CYP4F2: variants seen among roughly 807,000 people sequenced by gnomAD.
CYP4F2 encodes cytochrome P450 4F2.
CYP4F2 carries 58 observed loss-of-function variants against 58.9 expected under a neutral mutation model. The ratio of observed to expected loss-of-function variants is 0.98; its 90% confidence interval spans 0.80 to 1.23. The LOEUF is 1.23. Among genes scored for constraint, CYP4F2 ranks in the 50% most tolerant of loss-of-function variants. The pLI is 0.00. For synonymous variants in CYP4F2, 287 were observed against 261.1 expected, an observed-to-expected ratio of 1.10 and a Z score of -0.95; for missense variants, 616 against 685.6, an observed-to-expected ratio of 0.90 and a Z score of 1.13.
intron 5 of CYP4F2, among the ~76,000 whole-genome samples, chr19:15,891,719 TG>T (rs1461694300): frequency 6.6e-6 from 1 of 152,126 alleles, no homozygotes; most frequent in Non-Finnish European, 1.5e-5. Context: ...TTGTGAACCA[TG>T]GCGCGCCTTC....
intron 3 of CYP4F2, among the ~76,000 whole-genome samples, chr19:15,893,329 G>A (rs914756828): frequency 5.3e-5 from 8 of 150,768 alleles, no homozygotes; most frequent in African/African-American, 2.0e-4. Flanking sequence ...CAGATGTTTG[G>A]ACCACCAGGA....
In CYP4F2 at chr19:15,897,505, G is replaced by A; in HGVS notation, c.107C>T (p.Ala36Val). ...GASWLLAHVL[A>V]WTYAFYDNCR... ...GTTGTCATAGAAGGCGTAGGTCCAG[G>A]CCAGGACATGGGCCAGGAGCCAGGA... Residue 36 changes from alanine to valine, a missense_variant, in exon 2 of 13, where the codon GCC (alanine) becomes GTC (valine). Coordinates refer to ENST00000221700, the MANE Select transcript of CYP4F2 (RefSeq NM_001082.5). 6.2e-7 allele frequency: 1 copy of A among 1,614,086 alleles called. No homozygotes were observed. The highest frequency in any genetic ancestry group is 1.7e-5 in the Admixed American group (1 of 60,010).
chr19:15,878,696 T>G lies in CYP4F2; in HGVS notation c.*75A>C. On this transcript the variant is annotated 3_prime_UTR_variant, in exon 13 of 13. Coordinates refer to ENST00000221700, the MANE Select transcript of CYP4F2 (RefSeq NM_001082.5). ...GAATACAGGACTGTGGAACAGGGTCTTAGGGTAATTCTAGGCTTCACTTTT... is the reference window on the plus strand; with the variant it reads ...GAATACAGGACTGTGGAACAGGGTCGTAGGGTAATTCTAGGCTTCACTTTT... The G allele has an allele frequency of 1.9e-6, 3 of 1,582,498 alleles. No individual in the cohort carries two copies. The highest frequency in any genetic ancestry group is 2.6e-6 in the Non-Finnish European group (3 of 1,162,848).
rs768006084 is a variant in CYP4F2, at chr19:15,897,568, G to T, written c.44C>A (p.Ala15Glu). 6 of 1,613,848 alleles carry T rather than the reference G, an allele frequency of 3.7e-6. No individual in the cohort carries two copies. The change falls in exon 2 of 13, where the codon GCA becomes GAA. Residue 15 changes from alanine (A) to glutamate (E), a missense_variant. Transcript: ENST00000221700. ...CAGGAGGAGCAGCCAAGGGGATGCT[G>T]CCACTGGCCAGAGGCCCAGCCAGGA... ...SLSWLGLWPV[A>E]ASPWLLLLLV...
Position 15,879,834 on chromosome 19 carries a change from G to T in CYP4F2, c.1179C>A (p.Pro393=), listed in dbSNP as rs773953520. 1.2e-6 allele frequency: 2 copies of T among 1,614,148 alleles called. No homozygotes were observed. Among genetic ancestry groups the T allele is most frequent in the Non-Finnish European group, 1.7e-6 (2 of 1,180,030 alleles). Residue 393 remains proline, a synonymous_variant, in exon 10 of 13, where the codon CCC becomes CCA. Coordinates refer to ENST00000221700, the MANE Select transcript of CYP4F2 (RefSeq NM_001082.5). ...MCMKESLRLH[P]PVPVISRHVT... is the part of the protein sequence containing the mutation. The stretch of plus-strand genomic sequence containing the variant: ...CATGGCGGGAGATGACCGGGACTGG[G>T]GGATGCAGCCGCAGGCTCTCCTTCA...
intron 2 of CYP4F2, 124 bp from the exon 3 acceptor site, chr19:15,895,774 C>CCTAT: frequency 1.6e-6 from 2 of 1,226,560 alleles, no homozygotes; most frequent in South Asian, 3.1e-5. Flanking sequence ...ATCTATTCAT[C>CCTAT]CTATCTATCT....
rs201593562 is a variant in CYP4F2 at position 15,886,253 on chromosome 19, A to T, written c.974T>A (p.Phe325Tyr). Residue 325 changes from phenylalanine to tyrosine, a missense_variant, in exon 8 of 13, where the codon TTT (phenylalanine) becomes TAT (tyrosine). Coordinates refer to ENST00000221700, the MANE Select transcript of CYP4F2 (RefSeq NM_001082.5). ...DEDIRAEADT[F>Y]MFEGHDTTAS... Reference sequence around the variant, plus strand: ...ACTGGGGCCCTCACCCTCAAACATAAAGGTGTCAGCTTCTGCTCTTATGTC... The same window carrying T: ...ACTGGGGCCCTCACCCTCAAACATATAGGTGTCAGCTTCTGCTCTTATGTC... 3.7e-6 allele frequency: 6 copies of T among 1,613,880 alleles called. No individual in the cohort carries two copies. In the Admixed American group the frequency reaches 1.0e-4, roughly 27 times the overall value.
Position 15,879,424 on chromosome 19 carries a change from T to C in CYP4F2, c.1319A>G (p.Tyr440Cys), listed in dbSNP as rs746723884. 17 of 1,614,092 alleles carry C rather than the reference T, an allele frequency of 1.1e-5. No individual in the cohort carries two copies. In the South Asian group the frequency reaches 1.9e-4, roughly 18 times the overall value. The stretch of plus-strand genomic sequence containing the variant: ...CTCTGGGTCAAAGCGAAAGGGGTCG[T>C]AGACCTGGAGGTGAGACCAAGAAGG... ...NPAVWPDPEV[Y>C]DPFRFDPENI... The change falls in exon 12 of 13, where the codon TAC becomes TGC. Residue 440 changes from tyrosine (Y) to cysteine (C), a missense_variant. Tyr to Cys is a radical substitution (Grantham distance 194, BLOSUM62 -2). Transcript: ENST00000221700.
intron 9 of CYP4F2, 54 bp from the exon 10 acceptor site, chr19:15,879,951 C>A (rs2089333975): frequency 6.2e-7 from 1 of 1,600,436 alleles, no homozygotes; most frequent in Non-Finnish European, 8.5e-7. Context: ...ACACAATTCT[C>A]CAGCTTCTCT....
Position 15,892,247 on chromosome 19 carries a change from G to T in CYP4F2, c.525+62C>A. 1.9e-6 allele frequency: 3 copies of T among 1,608,032 alleles called. No individual in the cohort carries two copies. In the South Asian group the frequency reaches 3.3e-5, roughly 18 times the overall value. On this transcript the variant is annotated intron_variant, in intron 5 of 12. Coordinates refer to ENST00000221700, the MANE Select transcript of CYP4F2 (RefSeq NM_001082.5). ...CCAGCAGAGCCAAAACTCCAGACTA[G>T]ATCTCTCTGTTGTCCTTTCACCCCA...
At chr19:15,882,157 A>G (rs2089349800) in intron 9 of CYP4F2, among the ~76,000 whole-genome samples, 1 of 152,138 alleles carries the variant, frequency 6.6e-6, no homozygotes, top group East Asian at 1.9e-4. Flanking sequence ...AGGCAGGAGA[A>G]TCACTTGAAC....
chr19:15,889,944 A>G (rs1403288859), intron 6 of CYP4F2, among the ~76,000 whole-genome samples: 2 of 151,770 alleles, frequency 1.3e-5, no homozygotes, highest in African/African-American at 2.4e-5. Context: ...TTATTCTCCT[A>G]TTCTCTCTTT....
rs111425095 is a variant in CYP4F2 at position 15,880,968 on chromosome 19, G to A, written c.1116-1071C>T. On this transcript the variant is annotated intron_variant, in intron 9 of 12. Transcript: ENST00000221700. Reference sequence around the variant, plus strand: ...TCAGCAATTGCACTTCAGGGAATTTGTCCTGCAGAGATGCTTATACATGCA... The same window carrying A: ...TCAGCAATTGCACTTCAGGGAATTTATCCTGCAGAGATGCTTATACATGCA... 8.9e-3 allele frequency among the ~76,000 whole-genome samples: 1,350 copies of A among 152,328 alleles called. 11 individuals carry two copies. The highest frequency in any genetic ancestry group is 0.014 in the Non-Finnish European group (963 of 68,038).
rs1254717734 is a variant in CYP4F2 at position 15,878,866 on chromosome 19, G to A, written c.1468C>T (p.Arg490Cys). ...GGCTCGGTGTGGTCAGGCAGGACGC[G>A]GAAGCGCAGCAGCGTGAGCGCCAGG... ...VVLALTLLRF[R>C]VLPDHTEPRR... Residue 490 changes from arginine (R) to cysteine (C), a missense_variant, in exon 13 of 13, where the codon CGC (arginine) becomes TGC (cysteine). Transcript: ENST00000221700. The A allele has an allele frequency of 3.1e-6, 5 of 1,613,920 alleles. No individual in the cohort carries two copies. The highest frequency in any genetic ancestry group is 4.2e-6 in the Non-Finnish European group (5 of 1,179,996).
intron 9 of CYP4F2, 102 bp downstream of exon 9, chr19:15,885,822 A>C: frequency 2.7e-6 from 4 of 1,494,372 alleles, no homozygotes; most frequent in Admixed American, 2.0e-5. Flanking sequence ...CCACTAGGCA[A>C]TAGTGGCAGA....
Position 15,895,558 on chromosome 19 carries a change from G to A in CYP4F2, c.291C>T (p.Pro97=), listed in dbSNP as rs139580343. The change falls in exon 3 of 13, where the codon CCC becomes CCT. Residue 97 remains proline, a synonymous_variant. Coordinates refer to ENST00000221700, the MANE Select transcript of CYP4F2 (RefSeq NM_001082.5). ...TGTCGGGGTGGCACAAACTGAGGAG[G>A]GGGGAGATGGGTCCCATCCAGACCT... ...GFKVWMGPIS[P]LLSLCHPDII... 118 of 1,555,350 alleles carry A rather than the reference G, an allele frequency of 7.6e-5. No individual in the cohort carries two copies. The highest frequency in any genetic ancestry group is 9.4e-5 in the Non-Finnish European group (109 of 1,159,142).
intron 7 of CYP4F2, among the ~76,000 whole-genome samples, chr19:15,889,137 G>C (rs1321226083): frequency 6.6e-6 from 1 of 152,122 alleles, no homozygotes; most frequent in Non-Finnish European, 1.5e-5. Context: ...CATAAACATA[G>C]ACCAGACATA....
intron 2 of CYP4F2, among the ~76,000 whole-genome samples, chr19:15,896,171 GTCCATCCA>G (rs751304807): frequency 1.5e-4 from 22 of 150,228 alleles, no homozygotes; most frequent in Admixed American, 2.6e-4. Flanking sequence ...CTACGTGCCT[GTCCATCCA>G]TCCATCCATC....
intron 9 of CYP4F2, among the ~76,000 whole-genome samples, chr19:15,880,889 T>C (rs908878488): frequency 6.6e-6 from 1 of 152,220 alleles, no homozygotes; most frequent in Non-Finnish European, 1.5e-5. Flanking sequence ...ACTCAGCTAA[T>C]AGGAAAGGAT....
Sources: gnomAD v4.1 joint callset for allele counts (sites outside exome capture counted in the v4.1 genomes callset) on GRCh38, gnomAD v4.1.1 for gene constraint, MANE v1.5 for transcripts, NCBI Gene and HGNC (gene_info 2026-07-23, HGNC 2026-07-21) for gene names.